Variants in NOTCH3 observed in about 807,000 individuals in gnomAD.
NOTCH3 encodes notch receptor 3.
A neutral mutation model predicts 213.3 loss-of-function variants in NOTCH3; 86 were observed. The ratio of observed to expected loss-of-function variants is 0.40; its 90% confidence interval spans 0.34 to 0.48. The LOEUF (loss-of-function observed/expected upper bound fraction) is 0.48. Ranked by LOEUF, NOTCH3 falls within the 20% of genes least tolerant of loss-of-function variation. The pLI, the probability that NOTCH3 is intolerant of heterozygous loss-of-function variation, is 0.57. For missense variants in NOTCH3, 2,783 were observed against 3,272.6 expected (o/e 0.85, Z 3.65); for synonymous variants, 1,354 against 1,355.9 (o/e 1.00, Z 0.03).
In NOTCH3 at chr19:15,197,477, G is replaced by A. The variant is rs202151374; in HGVS notation, c.197+23C>T. The A allele has an allele frequency of 1.9e-6, 3 of 1,539,408 alleles. No homozygotes were observed. The African/African-American group carries it at 4.2e-5, about 21-fold the overall frequency. On this transcript the variant is annotated intron_variant, in intron 2 of 32. Transcript: ENST00000263388. ...CCGCCCCCACACACAGGGCCCACTG[G>A]TGGCTCTGAGCCAGGCACTCACAGG... is the stretch of plus-strand genomic sequence containing the variant.
chr19:15,175,018 T>C (rs904630415), intron 24 of NOTCH3, among the ~76,000 whole-genome samples: 1 of 152,098 alleles, frequency 6.6e-6, no homozygotes, highest in African/African-American at 2.4e-5. Flanking sequence ...CCCAAGTAGC[T>C]AGGACTACAA....
chr19:15,187,505 A>T (rs1284881889), intron 10 of NOTCH3, among the ~76,000 whole-genome samples, 167 bp from the exon 11 acceptor site: 1 of 69,484 alleles, frequency 1.4e-5, no homozygotes, highest in African/African-American at 5.8e-5. Flanking sequence ...CTTCCACTCC[A>T]CCCCACTACA....
At chr19:15,181,461 G>A (rs2046840716) in intron 17 of NOTCH3, 115 bp downstream of exon 17, 1 of 856,856 alleles carries the variant, frequency 1.2e-6, no homozygotes, top group Non-Finnish European at 1.9e-6. Context: ...ATCAGAGTCC[G>A]CAGTGGGTAC....
rs968057599 is a variant in NOTCH3 at position 15,179,513 on chromosome 19, G to C, written c.3328-17C>G. 11 of 1,613,380 alleles carry C rather than the reference G, an allele frequency of 6.8e-6. No individual in the cohort carries two copies. In the African/African-American group the frequency reaches 1.1e-4, roughly 16 times the overall value. ...AGGAAGACACTTCAGTGGGGTAAGAGAGGGACCCACTCAGCTTAGTGGGAC... is the reference window on the plus strand; with the variant it reads ...AGGAAGACACTTCAGTGGGGTAAGACAGGGACCCACTCAGCTTAGTGGGAC... On this transcript the variant is annotated splice_polypyrimidine_tract_variant and intron_variant, in intron 20 of 32. Transcript: ENST00000263388.
rs1448393043 is a variant in NOTCH3 at position 15,160,138 on chromosome 19, T to A, written c.*524A>T. The A allele has an allele frequency of 4.2e-6, 1 of 235,610 alleles. No individual in the cohort carries two copies. Among genetic ancestry groups the A allele is most frequent in the Non-Finnish European group, 8.3e-6 (1 of 119,806 alleles). The allele number at this position is 235,610 out of a possible 1,614,324, so 14.6% of individuals were successfully genotyped here. On this transcript the variant is annotated 3_prime_UTR_variant, in exon 33 of 33. Coordinates refer to ENST00000263388, the MANE Select transcript of NOTCH3 (RefSeq NM_000435.3). The stretch of plus-strand genomic sequence containing the variant: ...TACTCGGTACACGGGATCCCAGTCA[T>A]GCCTGTGTACTAGGTACACAGAATC...
intron 32 of NOTCH3, among the ~76,000 whole-genome samples, chr19:15,162,021 G>A (rs1433030331): frequency 1.6e-4 from 20 of 121,826 alleles, no homozygotes; most frequent in African/African-American, 5.4e-4. Flanking sequence ...TCACTGTGTC[G>A]CCCAGGCTGG....
At chr19:15,161,776 G>A in intron 32 of NOTCH3, 62 bp from the exon 33 acceptor site, 1 of 1,451,882 alleles carries the variant, frequency 6.9e-7, no homozygotes, top group Non-Finnish European at 9.5e-7. Context: ...AAGTCTTCCA[G>A]CCTCTTGGGG....
chr19:15,174,405 T>C lies in NOTCH3; in HGVS notation c.4404-5A>G, dbSNP rs2046769984. On this transcript the variant is annotated splice_polypyrimidine_tract_variant and splice_region_variant and intron_variant, in intron 24 of 32. Coordinates refer to ENST00000263388, the MANE Select transcript of NOTCH3 (RefSeq NM_000435.3). ...CAGTACTTCTCGTACACCGGGCTGG[T>C]GGGGAAGGGTGAGGCAGAGAGGGGC... 2.0e-6 allele frequency: 3 copies of C among 1,513,846 alleles called. No individual in the cohort carries two copies. The highest frequency in any genetic ancestry group is 2.7e-6 in the Non-Finnish European group (3 of 1,124,860). 93.8% of individuals were successfully genotyped at this position (1,513,846 alleles called of 1,614,324 possible). A position where few individuals can be genotyped will look rare whatever the true frequency, so the allele number is the denominator to read the frequency against.
chr19:15,176,915 AC>A (rs1395476262), intron 24 of NOTCH3, among the ~76,000 whole-genome samples: 1 of 151,220 alleles, frequency 6.6e-6, no homozygotes, highest in African/African-American at 2.4e-5. Context: ...TACTAAAAAT[AC>A]AAAAAAAAAG....
chr19:15,173,047 CT>C (rs1336738918), intron 25 of NOTCH3, among the ~76,000 whole-genome samples: 162 of 6,996 alleles, frequency 0.023, 19 homozygotes, highest in African/African-American at 0.21. Context: ...CTCCCCCTCC[CT>C]CCTCCCTCTT....
intron 2 of NOTCH3, 129 bp from the exon 3 acceptor site, chr19:15,192,648 C>T (rs2046939499): frequency 6.8e-6 from 9 of 1,332,482 alleles, no homozygotes; most frequent in Admixed American, 6.0e-5. Flanking sequence ...GGAGCAGTGG[C>T]TCACGCCTGT....
Position 15,160,342 on chromosome 19 carries a change from A to T in NOTCH3, c.*320T>A. 3.3e-6 allele frequency: 1 copy of T among 301,266 alleles called. No homozygotes were observed. The allele number at this position is 301,266 out of a possible 1,614,324, so 18.7% of individuals were successfully genotyped here. On this transcript the variant is annotated 3_prime_UTR_variant, in exon 33 of 33. Coordinates refer to ENST00000263388, the MANE Select transcript of NOTCH3 (RefSeq NM_000435.3). ...AGAAAAATAAAAATAATAATAATTCATTCATGTCAGAGTGTAAGGAAATGA... is the reference window on the plus strand; with the variant it reads ...AGAAAAATAAAAATAATAATAATTCTTTCATGTCAGAGTGTAAGGAAATGA...
intron 32 of NOTCH3, among the ~76,000 whole-genome samples, chr19:15,162,045 C>T (rs1343315773): frequency 1.4e-5 from 2 of 142,208 alleles, no homozygotes; most frequent in Non-Finnish European, 3.0e-5. Context: ...GCAGTGGCGC[C>T]ATTTCAGTTC....
At position 15,185,828 on chromosome 19, in the gene NOTCH3, G is replaced by T; in HGVS notation, c.1952-149C>A. On this transcript the variant is annotated intron_variant, in intron 12 of 32. Coordinates refer to ENST00000263388, the MANE Select transcript of NOTCH3 (RefSeq NM_000435.3). This position sits in a 1 kb window ranked among gnomAD's most constrained non-coding sequence, Gnocchi z 4.2. ...AGCTCTTGTGCAGATTAGGACACCC[G>T]CCTCCTCAACCAAGAGCTGACTTGC... 1 of 768,978 alleles carries T rather than the reference G, an allele frequency of 1.3e-6. No homozygotes were observed. Among genetic ancestry groups the T allele is most frequent in the Non-Finnish European group, 2.2e-6 (1 of 451,022 alleles). 47.6% of individuals were successfully genotyped at this position (768,978 alleles called of 1,614,324 possible).
chr19:15,177,369 C>G (rs2046799877), intron 24 of NOTCH3, among the ~76,000 whole-genome samples, 156 bp downstream of exon 24: 1 of 152,130 alleles, frequency 6.6e-6, no homozygotes, highest in Non-Finnish European at 1.5e-5. Context: ...AACAGACACA[C>G]GGACAGACAC....
rs2145408576 is a variant in NOTCH3 at position 15,174,128 on chromosome 19, T to C, written c.4676A>G (p.His1559Arg). 1.2e-6 allele frequency: 2 copies of C among 1,604,426 alleles called. No homozygotes were observed. The highest frequency in any genetic ancestry group is 1.7e-6 in the Non-Finnish European group (2 of 1,174,462). ...AHGQAMVFPY[H>R]RPSPGSEPRA... is the part of the protein sequence containing the mutation. ...GGGTTCGGAGCCAGGACTAGGCCGG[T>C]GGTAAGGGAAGACCATGGCCTGGCC... Residue 1559 changes from histidine to arginine, a missense_variant, in exon 25 of 33, where the codon CAC (histidine) becomes CGC (arginine). By Grantham distance (29) the His-to-Arg change is conservative. Transcript: ENST00000263388.
Position 15,181,723 on chromosome 19 carries a change from G to T in NOTCH3, c.2645C>A (p.Pro882Gln). 1 of 1,571,664 alleles carries T rather than the reference G, an allele frequency of 6.4e-7. No homozygotes were observed. The highest frequency in any genetic ancestry group is 8.6e-7 in the Non-Finnish European group (1 of 1,157,978). The change falls in exon 17 of 33, where the codon CCA becomes CAA. Residue 882 changes from proline to glutamine, a missense_variant. Physicochemically the swap from Pro to Gln is moderately conservative, Grantham distance 76 (BLOSUM62 -1). Transcript: ENST00000263388. Reference sequence around the variant, plus strand: ...CTCATCCACATCGCGGGCGCATCGTGGGCCGGCGAAACCAGGGAGGCAGGA... The same window carrying T: ...CTCATCCACATCGCGGGCGCATCGTTGGCCGGCGAAACCAGGGAGGCAGGA... ...SCSCLPGFAG[P>Q]RCARDVDECL... is the part of the protein sequence containing the mutation.
At chr19:15,197,440 C>CGGGCCG in intron 2 of NOTCH3, 60 bp downstream of exon 2, 1 of 800,696 alleles carries the variant, frequency 1.2e-6, no homozygotes, top group Non-Finnish European at 2.2e-6. Context: ...GAAGACAAAT[C>CGGGCCG]GCCCCTCCCC....
chr19:15,166,710 C>T (rs1465382692), intron 29 of NOTCH3, among the ~76,000 whole-genome samples: 1 of 152,220 alleles, frequency 6.6e-6, no homozygotes, highest in Non-Finnish European at 1.5e-5. Flanking sequence ...ACTGCACACA[C>T]TGTACACAAG....
Sources: gnomAD v4.1 joint callset for allele counts (sites outside exome capture counted in the v4.1 genomes callset) on GRCh38, gnomAD v4.1.1 for gene constraint, Gnocchi (gnomAD v3.1) non-coding constraint, MANE v1.5 for transcripts, NCBI Gene and HGNC (gene_info 2026-07-23, HGNC 2026-07-21) for gene names.